The following GRK5 variants were observed in gnomAD, a reference collection of about 807,000 sequenced individuals.
GRK5 encodes the protein G protein-coupled receptor kinase 5.
A neutral mutation model predicts 78.4 loss-of-function variants in GRK5; 40 were observed. The observed-to-expected ratio is 0.51, with a 90% CI of 0.40 to 0.66. GRK5 has a LOEUF of 0.66. Among genes scored for constraint, GRK5 ranks in the 30% least tolerant of loss-of-function variants. The pLI, the probability that GRK5 is intolerant of heterozygous loss-of-function variation, is 0.00. For missense variants in GRK5, 598 were observed against 759.9 expected (o/e 0.79, Z 2.50); for synonymous variants, 289 against 296.8 (o/e 0.97, Z 0.27).
rs532148553 is a variant in GRK5, at chr10:119,219,361, G to A, written c.52+11392G>A. 1.1e-4 allele frequency among the ~76,000 whole-genome samples: 17 copies of A among 152,286 alleles called. No homozygotes were observed. In the South Asian group the frequency reaches 3.1e-3, roughly 28 times the overall value. On this transcript the variant is annotated intron_variant, in intron 1 of 15. Transcript: ENST00000392870. ...CCAAAGTAGCTGGGACTACAGGTGC[G>A]TGCCACCACACTTGACTCTTTGCAA...
intron 1 of GRK5, among the ~76,000 whole-genome samples, chr10:119,299,432 CAAA>C (rs35231977): frequency 1.6e-5 from 2 of 124,058 alleles, no homozygotes; most frequent in Non-Finnish European, 3.5e-5. Flanking sequence ...GACTCCAGCT[CAAA>C]AAAAAAAAAA....
chr10:119,341,347 C>T (rs1282663818), intron 2 of GRK5, among the ~76,000 whole-genome samples: 6 of 152,236 alleles, frequency 3.9e-5, no homozygotes, highest in South Asian at 2.1e-4. Context: ...TGACCAGGCC[C>T]GGCCTCTCCG....
intron 1 of GRK5, among the ~76,000 whole-genome samples, chr10:119,228,920 A>T (rs1362266697): frequency 6.6e-6 from 1 of 152,100 alleles, no homozygotes; most frequent in Admixed American, 6.6e-5. Flanking sequence ...AGATTCTAGG[A>T]TTATTCCAGC....
chr10:119,341,946 C>A (rs898390052), intron 2 of GRK5, among the ~76,000 whole-genome samples: 3 of 152,160 alleles, frequency 2.0e-5, no homozygotes, highest in Non-Finnish European at 2.9e-5. Flanking sequence ...TTGCACCTCC[C>A]GCCAAGGGCA....
At chr10:119,305,166 C>T (rs1034094730) in intron 1 of GRK5, among the ~76,000 whole-genome samples, 1 of 152,146 alleles carries the variant, frequency 6.6e-6, no homozygotes, top group South Asian at 2.1e-4. Flanking sequence ...CTCTGACCTT[C>T]CACCTCCCTG....
intron 15 of GRK5, among the ~76,000 whole-genome samples, chr10:119,453,625 G>C (rs7095048): frequency 0.18 from 27,652 of 152,068 alleles, 3,131 homozygotes; most frequent in African/African-American, 0.31. Flanking sequence ...GCAGCAACAC[G>C]CCATCCCCCA....
chr10:119,454,497 G>T (rs1269024702), intron 15 of GRK5, among the ~76,000 whole-genome samples: 1 of 152,202 alleles, frequency 6.6e-6, no homozygotes, highest in Admixed American at 6.5e-5. Context: ...CAGAGGGAAG[G>T]CCTGAGCAAT....
Position 119,336,221 on chromosome 10 carries a change from C to G in GRK5, c.148+9610C>G, listed in dbSNP as rs1364733871. 1 of 152,308 alleles carries G rather than the reference C, an allele frequency of 6.6e-6. No homozygotes were observed. The highest frequency in any genetic ancestry group is 1.5e-5 in the Non-Finnish European group (1 of 68,134). The allele number at this position is 152,308 out of a possible 1,614,324, so 9.4% of individuals were successfully genotyped here. On this transcript the variant is annotated intron_variant, in intron 2 of 15. Coordinates refer to ENST00000392870, the MANE Select transcript of GRK5 (RefSeq NM_005308.3). The surrounding 1 kb of genome is among the most constrained non-coding windows in gnomAD (Gnocchi z 4.5). ...CAGCTTCCTCTTCTTGGAAGCCTGC[C>G]CTGATTCCTGCAGTCCTCAGCCTTC...
At chr10:119,277,135 T>TG (rs985568482) in intron 1 of GRK5, among the ~76,000 whole-genome samples, 4 of 152,194 alleles carry the variant, frequency 2.6e-5, no homozygotes, top group African/African-American at 9.7e-5. Flanking sequence ...CAGTGGGTCA[T>TG]GGATCCAGAA....
intron 1 of GRK5, among the ~76,000 whole-genome samples, chr10:119,274,266 G>C (rs1379086200): frequency 6.6e-6 from 1 of 152,136 alleles, no homozygotes; most frequent in Non-Finnish European, 1.5e-5. Context: ...TTCCCTCATG[G>C]TACAGAAACA....
At chr10:119,240,817 A>G (rs937338576) in intron 1 of GRK5, among the ~76,000 whole-genome samples, 1 of 151,830 alleles carries the variant, frequency 6.6e-6, no homozygotes, top group African/African-American at 2.4e-5. Flanking sequence ...CCTGAGCTCA[A>G]GCAATCTTCC....
At chr10:119,260,265 T>C (rs1849353454) in intron 1 of GRK5, among the ~76,000 whole-genome samples, 1 of 152,164 alleles carries the variant, frequency 6.6e-6, no homozygotes, top group South Asian at 2.1e-4. Context: ...CCTCCCAAAG[T>C]GCTGGGATTA....
chr10:119,387,968 G>T (rs899972282), intron 3 of GRK5, among the ~76,000 whole-genome samples: 28 of 150,232 alleles, frequency 1.9e-4, no homozygotes, highest in African/African-American at 6.8e-4. Context: ...TTTTTTTCTA[G>T]GAGGTGGAAT....
intron 1 of GRK5, among the ~76,000 whole-genome samples, chr10:119,273,513 C>T (rs1025124606): frequency 1.3e-5 from 2 of 152,174 alleles, no homozygotes; most frequent in South Asian, 2.1e-4. Context: ...TAGCTTCAGA[C>T]GCTCCAGCCC....
At chr10:119,281,913 C>T (rs1362723594) in intron 1 of GRK5, among the ~76,000 whole-genome samples, 1 of 152,196 alleles carries the variant, frequency 6.6e-6, no homozygotes, top group East Asian at 1.9e-4. Context: ...AGACAACAGC[C>T]TGAGTGGCCT....
chr10:119,432,954 C>A (rs1852848655), intron 8 of GRK5, among the ~76,000 whole-genome samples: 1 of 152,100 alleles, frequency 6.6e-6, no homozygotes, highest in African/African-American at 2.4e-5. Flanking sequence ...GCCTGTAATT[C>A]CAGCTACTTG....
At position 119,456,790 on chromosome 10, in the gene GRK5, C is replaced by T. The variant is rs183027567; in HGVS notation, c.*1723C>T. The stretch of plus-strand genomic sequence containing the variant: ...CTGGATGACGCAGGCAGCATTGGAG[C>T]ATGAGCCGTGGGGAGGACAGTCGTG... On this transcript the variant is annotated 3_prime_UTR_variant, in exon 16 of 16. Transcript: ENST00000392870. The surrounding 1 kb of genome is among the most constrained non-coding windows in gnomAD (Gnocchi z 5.5). 588 of 152,430 alleles carry T rather than the reference C, an allele frequency of 3.9e-3. 1 individual carries two copies. Among genetic ancestry groups the T allele is most frequent in the Non-Finnish European group, 5.7e-3 (388 of 68,084 alleles). The allele number at this position is 152,430 out of a possible 1,614,324, so 9.4% of individuals were successfully genotyped here. A position where few individuals can be genotyped will look rare whatever the true frequency, so the allele number is the denominator to read the frequency against.
At chr10:119,404,842 G>A (rs1852207101) in intron 4 of GRK5, among the ~76,000 whole-genome samples, 1 of 152,174 alleles carries the variant, frequency 6.6e-6, no homozygotes, top group South Asian at 2.1e-4. Flanking sequence ...TTACAGACTT[G>A]CTCCTGGAAC....
chr10:119,281,794 G>A, intron 1 of GRK5, among the ~76,000 whole-genome samples: 1 of 152,240 alleles, frequency 6.6e-6, no homozygotes, highest in East Asian at 1.9e-4. Flanking sequence ...GAAGCTGGCT[G>A]AATGTCCCTG....
Sources: gnomAD v4.1 joint callset for allele counts (sites outside exome capture counted in the v4.1 genomes callset) on GRCh38, gnomAD v4.1.1 for gene constraint, Gnocchi (gnomAD v3.1) non-coding constraint, MANE v1.5 for transcripts, NCBI Gene and HGNC (gene_info 2026-07-23, HGNC 2026-07-21) for gene names.